The following SPECC1L variants were observed in gnomAD, a reference collection of about 807,000 sequenced individuals.
The protein encoded by SPECC1L is sperm antigen with calponin homology and coiled-coil domains 1 like, also known as cytospin-A.
A neutral mutation model predicts 116.8 loss-of-function variants in SPECC1L; 40 were observed. The observed-to-expected ratio is 0.34, with a 90% CI of 0.27 to 0.45. SPECC1L has a LOEUF of 0.45. Ranked by LOEUF, SPECC1L falls within the 20% of genes least tolerant of loss-of-function variation. The pLI is 1.00. For synonymous variants in SPECC1L, 504 were observed against 500.6 expected, an observed-to-expected ratio of 1.01 and a Z score of -0.09; for missense variants, 1,110 against 1,373.6, an observed-to-expected ratio of 0.81 and a Z score of 3.03.
chr22:24,292,164 C>G (rs376492248), intron 2 of SPECC1L, among the ~76,000 whole-genome samples: 1 of 152,172 alleles, frequency 6.6e-6, no homozygotes, highest in Non-Finnish European at 1.5e-5. Flanking sequence ...TTGGAGCTCT[C>G]TTGTGGTATC....
At chr22:24,303,344 A>G (rs1391051628) in intron 3 of SPECC1L, among the ~76,000 whole-genome samples, 1 of 152,040 alleles carries the variant, frequency 6.6e-6, no homozygotes, top group Admixed American at 6.5e-5. Flanking sequence ...GGCCCTGAGG[A>G]ATTGTTAGGT....
intron 2 of SPECC1L, among the ~76,000 whole-genome samples, chr22:24,282,584 A>G (rs1172277218): frequency 6.6e-6 from 1 of 152,156 alleles, no homozygotes; most frequent in Non-Finnish European, 1.5e-5. Context: ...TACGTCATTC[A>G]GTATGATATT....
intron 14 of SPECC1L, among the ~76,000 whole-genome samples, chr22:24,406,835 G>A (rs1028831961): frequency 6.6e-6 from 1 of 152,208 alleles, no homozygotes; most frequent in Non-Finnish European, 1.5e-5. Context: ...ACCCAGCTTC[G>A]TTGTTCTTAT....
chr22:24,410,199 G>T (rs2042668178), intron 14 of SPECC1L, among the ~76,000 whole-genome samples: 1 of 152,172 alleles, frequency 6.6e-6, no homozygotes, highest in South Asian at 2.1e-4. Flanking sequence ...CACTGTGTTG[G>T]CAGGCTGGGG....
chr22:24,407,341 G>A (rs1176769552), intron 14 of SPECC1L, among the ~76,000 whole-genome samples: 1 of 152,236 alleles, frequency 6.6e-6, no homozygotes, highest in Non-Finnish European at 1.5e-5. Flanking sequence ...GTTCCAGGTG[G>A]GGCGGGGGTG....
At chr22:24,350,848 C>T (rs542493656) in intron 11 of SPECC1L, among the ~76,000 whole-genome samples, 1 of 152,308 alleles carries the variant, frequency 6.6e-6, no homozygotes, top group South Asian at 2.1e-4. Context: ...AACCCTGTGC[C>T]AGTACCCTAA....
rs142143827 is a variant in SPECC1L at position 24,330,338 on chromosome 22, A to G, written c.2303A>G (p.Gln768Arg). ...GCAAATGACATTAAATCTGAAGCCC[A>G]AGAGGAGATTGGTGATCTAAAGCGC... is the stretch of plus-strand genomic sequence containing the variant. ...VIANDIKSEA[Q>R]EEIGDLKRRL... Residue 768 changes from glutamine to arginine, a missense_variant, in exon 8 of 17, where the codon CAA (glutamine) becomes CGA (arginine). Around this residue, in one of 4 missense-constraint regions of SPECC1L, gnomAD observed 575 missense variants for 682.4 expected, o/e 0.84. Coordinates refer to ENST00000314328, the MANE Select transcript of SPECC1L (RefSeq NM_015330.6). 6.2e-7 allele frequency: 1 copy of G among 1,614,230 alleles called. No individual in the cohort carries two copies. The highest frequency in any genetic ancestry group is 8.5e-7 in the Non-Finnish European group (1 of 1,180,044).
chr22:24,317,300 C>T (rs2040602396), intron 4 of SPECC1L, among the ~76,000 whole-genome samples: 1 of 119,614 alleles, frequency 8.4e-6, no homozygotes, highest in Admixed American at 8.6e-5. Flanking sequence ...GGGCGGCTGG[C>T]CAGGCGGGGG....
chr22:24,343,803 T>TAA (rs200914313), intron 10 of SPECC1L, among the ~76,000 whole-genome samples: 3 of 146,458 alleles, frequency 2.0e-5, no homozygotes, highest in South Asian at 2.1e-4. Context: ...TCTGTGTATT[T>TAA]AAAAAAAAAA....
chr22:24,313,036 A>G (rs1490474657), intron 3 of SPECC1L, among the ~76,000 whole-genome samples: 1 of 152,204 alleles, frequency 6.6e-6, no homozygotes, highest in East Asian at 1.9e-4. Flanking sequence ...ATCCCCCATC[A>G]TCTGAATCTG....
chr22:24,342,183 A>C (rs1320135614), intron 10 of SPECC1L, among the ~76,000 whole-genome samples: 1 of 152,252 alleles, frequency 6.6e-6, no homozygotes, highest in Non-Finnish European at 1.5e-5. Context: ...ATAATCTGGC[A>C]TGCAATAAAA....
intron 2 of SPECC1L, among the ~76,000 whole-genome samples, chr22:24,288,981 G>A (rs1054479682): frequency 6.6e-6 from 1 of 152,142 alleles, no homozygotes; most frequent in African/African-American, 2.4e-5. Flanking sequence ...CATTAATGAA[G>A]TGCAAAATGA....
intron 1 of SPECC1L, among the ~76,000 whole-genome samples, chr22:24,276,361 G>C (rs1307925297): frequency 3.3e-5 from 5 of 152,186 alleles, no homozygotes; most frequent in African/African-American, 1.2e-4. Flanking sequence ...GAGTCCAGGT[G>C]TTTGAGGCTG....
chr22:24,414,615 G>A lies in SPECC1L; in HGVS notation c.3346G>A (p.Glu1116Lys). 6.2e-7 allele frequency: 1 copy of A among 1,613,938 alleles called. No individual in the cohort carries two copies. Among genetic ancestry groups the A allele is most frequent in the Non-Finnish European group, 8.5e-7 (1 of 1,179,990 alleles). The stretch of plus-strand genomic sequence containing the variant: ...TGTGACGGCGATCTACAAGTACTTT[G>A]AGACCTGAGCATGCCGGGAGGAGCC... ...LYVTAIYKYF[E>K]T The change falls in exon 17 of 17, where the codon GAG (glutamate) becomes AAG (lysine). Residue 1116 changes from glutamate (E) to lysine (K), a missense_variant. By Grantham distance (56) the Glu-to-Lys change is moderately conservative (BLOSUM62 1). Coordinates refer to ENST00000314328, the MANE Select transcript of SPECC1L (RefSeq NM_015330.6).
Position 24,313,607 on chromosome 22 carries a change from G to A in SPECC1L, c.307+141G>A, listed in dbSNP as rs563917182. On this transcript the variant is annotated intron_variant, in intron 4 of 16. Coordinates refer to ENST00000314328, the MANE Select transcript of SPECC1L (RefSeq NM_015330.6). Reference sequence around the variant, plus strand: ...ATGGATTGATATTTCAGCCCAATACGCTCATCACCATTATCAACTCATAGC... The same window carrying A: ...ATGGATTGATATTTCAGCCCAATACACTCATCACCATTATCAACTCATAGC... 7.9e-4 allele frequency: 746 copies of A among 942,666 alleles called. 15 individuals are homozygous for A. The South Asian group carries it at 9.9e-3, about 12-fold the overall frequency. 58.4% of individuals were successfully genotyped at this position (942,666 alleles called of 1,614,324 possible).
intron 3 of SPECC1L, among the ~76,000 whole-genome samples, chr22:24,307,602 T>A (rs1035178323): frequency 6.6e-6 from 1 of 151,372 alleles, no homozygotes; most frequent in African/African-American, 2.4e-5. Context: ...TGTATGTGAG[T>A]GTGTGTGTGT....
At chr22:24,394,128 C>T (rs1041638550) in intron 14 of SPECC1L, among the ~76,000 whole-genome samples, 2 of 152,158 alleles carry the variant, frequency 1.3e-5, no homozygotes, top group East Asian at 3.8e-4. Context: ...TTATTGTAAG[C>T]AAAACTCCTA....
chr22:24,355,404 C>G (rs1038136468), intron 11 of SPECC1L, among the ~76,000 whole-genome samples: 7 of 151,806 alleles, frequency 4.6e-5, no homozygotes, highest in Non-Finnish European at 1.0e-4. Context: ...TGTATATGTA[C>G]CAACTCATGT....
Position 24,332,548 on chromosome 22 carries a change from A to T in SPECC1L, c.2397-1862A>T, listed in dbSNP as rs140432938. Among the ~76,000 whole-genome samples the T allele has an allele frequency of 7.7e-3, 1,171 of 152,316 alleles. 11 individuals are homozygous for T. The highest frequency in any genetic ancestry group is 0.011 in the Admixed American group (161 of 15,306). On this transcript the variant is annotated intron_variant, in intron 8 of 16. Coordinates refer to ENST00000314328, the MANE Select transcript of SPECC1L (RefSeq NM_015330.6). ...CTACAGTTATCTAAAAGGCCTATTAAAATCTTCCCTTTTCCACCTGCCTTA... is the reference window on the plus strand; with the variant it reads ...CTACAGTTATCTAAAAGGCCTATTATAATCTTCCCTTTTCCACCTGCCTTA...
Sources: allele counts gnomAD v4.1 joint callset (sites outside exome capture counted in the v4.1 genomes callset), GRCh38; gene constraint gnomAD v4.1.1; regional missense constraint gnomAD v4.1.1; transcripts MANE v1.5; gene names NCBI Gene and HGNC (gene_info 2026-07-23, HGNC 2026-07-21).